Variants in CD101 observed in about 807,000 individuals in gnomAD.
CD101 encodes the protein CD101 molecule, also known as immunoglobulin superfamily member 2.
Under a neutral mutation model 98.2 loss-of-function variants are expected in CD101, and 76 were observed. That is an observed-to-expected ratio of 0.77 (90% confidence interval 0.64 to 0.94). The LOEUF is 0.94. CD101 is among the 40% of genes least tolerant of loss of function. The probability of loss-of-function intolerance (pLI) is 0.00; values close to 1 mark genes in which losing one functional copy is unlikely to be tolerated. For synonymous variants in CD101, 471 were observed against 472.7 expected (o/e 1.00, Z 0.05); for missense variants, 1,145 against 1,218.8 (o/e 0.94, Z 0.90).
At chr1:117,025,150 G>A (rs1009976260) in intron 7 of CD101, among the ~76,000 whole-genome samples, 1 of 152,096 alleles carries the variant, frequency 6.6e-6, no homozygotes, top group Non-Finnish European at 1.5e-5. Flanking sequence ...ATCACTTGAA[G>A]CCAGGAGCTC....
At position 117,033,905 on chromosome 1, in the gene CD101, A is replaced by T. The variant is rs199968696; in HGVS notation, c.2870A>T (p.Tyr957Phe). ...SRICSSAPLLYFLFICPFVLL... is the reference protein window; with the variant it reads ...SRICSSAPLLFFLFICPFVLL... ...ATCTGCTCCTCGGCCCCTTTACTCT[A>T]TTTCCTGTTCATCTGTCCCTTCGTC... Residue 957 changes from tyrosine to phenylalanine, a missense_variant, in exon 9 of 10, where the codon TAT (tyrosine) becomes TTT (phenylalanine). By Grantham distance (22) the Tyr-to-Phe change is conservative. Transcript: ENST00000682167. The surrounding 1 kb of genome is among the most constrained non-coding windows in gnomAD (Gnocchi z 4.8). 2 of 1,613,728 alleles carry T rather than the reference A, an allele frequency of 1.2e-6. No homozygotes were observed. The highest frequency in any genetic ancestry group is 3.3e-5 in the Admixed American group (2 of 59,980).
chr1:117,018,879 G>T lies in CD101; in HGVS notation c.2017+319G>T, dbSNP rs1225519730. 6.6e-6 allele frequency among the ~76,000 whole-genome samples: 1 copy of T among 152,190 alleles called. No individual in the cohort carries two copies. Among genetic ancestry groups the T allele is most frequent in the Non-Finnish European group, 1.5e-5 (1 of 68,038 alleles). On this transcript the variant is annotated intron_variant, in intron 6 of 9. Transcript: ENST00000682167. The surrounding 1 kb of genome is among the most constrained non-coding windows in gnomAD (Gnocchi z 4.3). ...CACAGCAGGGGGCCTCTAGGACCTG[G>T]CTAGAGGGGAGAAGAAATGTTTTGG...
chr1:117,013,837 G>T, intron 4 of CD101, 45 bp downstream of exon 4: 1 of 1,548,564 alleles, frequency 6.5e-7, no homozygotes, highest in South Asian at 1.2e-5. Context: ...GCTTTCAGAT[G>T]CCCCCTTGTC....
chr1:117,008,588 G>A (rs1028524095), intron 1 of CD101, among the ~76,000 whole-genome samples: 8 of 152,188 alleles, frequency 5.3e-5, no homozygotes, highest in African/African-American at 1.7e-4. Flanking sequence ...TGCATCAGGT[G>A]ACCACTTACC....
Position 117,011,965 on chromosome 1 carries a change from A to G in CD101, c.840A>G (p.Ala280=), listed in dbSNP as rs1294872433. ...TDQTTLRIQP[A]VKDFQVNITA... is the part of the protein sequence containing the mutation. ...AAACCACTCTGAGGATCCAGCCAGCAGGTAATTATCTTCCTACGAAATTCA... is the reference window on the plus strand; with the variant it reads ...AAACCACTCTGAGGATCCAGCCAGCGGGTAATTATCTTCCTACGAAATTCA... The change falls in exon 3 of 10, where the codon GCA becomes GCG. Residue 280 remains alanine, a splice_region_variant and synonymous_variant. Coordinates refer to ENST00000682167, the MANE Select transcript of CD101 (RefSeq NM_001256106.3). 2 of 1,608,874 alleles carry G rather than the reference A, an allele frequency of 1.2e-6. No homozygotes were observed. Among genetic ancestry groups the G allele is most frequent in the East Asian group, 4.5e-5 (2 of 44,716 alleles).
rs1653690084 is a variant in CD101, at chr1:117,023,269, T to C, written c.2428+1286T>C. On this transcript the variant is annotated intron_variant, in intron 7 of 9. Coordinates refer to ENST00000682167, the MANE Select transcript of CD101 (RefSeq NM_001256106.3). The surrounding 1 kb of genome is among the most constrained non-coding windows in gnomAD (Gnocchi z 4.4). ...ACTCTTGACCACATGTGCATGGCCG[T>C]CTTCAGGAGGCAGCCACTGCTTAGC... Among the ~76,000 whole-genome samples the C allele has an allele frequency of 6.6e-6, 1 of 152,222 alleles. No homozygotes were observed. Among genetic ancestry groups the C allele is most frequent in the Non-Finnish European group, 1.5e-5 (1 of 68,042 alleles).
chr1:117,029,195 GAAAGAAAGAAAAGAAAGAA>G (rs1654198482), intron 8 of CD101, among the ~76,000 whole-genome samples: 3 of 76,884 alleles, frequency 3.9e-5, no homozygotes, highest in African/African-American at 1.7e-4. Context: ...AAGAAAGAAA[GAAAGAAAGAAAAGAAAGAA>G]AAGAAAGAAA....
At chr1:117,002,845 A>T (rs1388442732) in intron 1 of CD101, among the ~76,000 whole-genome samples, 1 of 152,250 alleles carries the variant, frequency 6.6e-6, no homozygotes, top group Non-Finnish European at 1.5e-5. Flanking sequence ...TGATATGAAG[A>T]TATCTGTGGT....
chr1:117,024,494 AAAATAAAT>A (rs55950136), intron 7 of CD101, among the ~76,000 whole-genome samples: 88 of 150,398 alleles, frequency 5.9e-4, no homozygotes, highest in African/African-American at 1.8e-3. Flanking sequence ...AAATAAAATA[AAAATAAAT>A]AAATAAATAA....
intron 1 of CD101, among the ~76,000 whole-genome samples, chr1:117,008,362 G>A (rs1570712480): frequency 6.6e-6 from 1 of 152,108 alleles, no homozygotes; most frequent in East Asian, 1.9e-4. Context: ...CTACTCAGGA[G>A]GCTGAGGCAA....
In CD101 at chr1:117,007,276, C is replaced by T. The variant is rs551210515; in HGVS notation, c.44-2574C>T. On this transcript the variant is annotated intron_variant, in intron 1 of 9. Transcript: ENST00000682167. ...TCGCCAAGACCCTAGAAGCACCCAC[C>T]CAGCCCGCAGTGTGCCCCATCAGAT... Among the ~76,000 whole-genome samples the T allele has an allele frequency of 2.0e-3, 311 of 152,174 alleles. 1 individual carries two copies. The highest frequency in any genetic ancestry group is 4.8e-3 in the South Asian group (23 of 4,818).
At chr1:117,029,183 GAAAGAAAGAAAGAAAGA>G (rs1654183417) in intron 8 of CD101, among the ~76,000 whole-genome samples, 5 of 96,404 alleles carry the variant, frequency 5.2e-5, no homozygotes, top group Middle Eastern at 4.5e-3. Context: ...AAGAAAGAAA[GAAAGAAAGAAAGAAAGA>G]AAGAAAAGAA....
At position 117,004,970 on chromosome 1, in the gene CD101, C is replaced by T. The variant is rs1488140820; in HGVS notation, c.43+3110C>T. Among the ~76,000 whole-genome samples, 2 of 151,984 alleles carry T rather than the reference C, an allele frequency of 1.3e-5. No individual in the cohort carries two copies. On this transcript the variant is annotated intron_variant, in intron 1 of 9. Coordinates refer to ENST00000682167, the MANE Select transcript of CD101 (RefSeq NM_001256106.3). This position sits in a 1 kb window ranked among gnomAD's most constrained non-coding sequence, Gnocchi z 4.1. The stretch of plus-strand genomic sequence containing the variant: ...AGTTTGGTGTCAGTGAGGGCCTGTT[C>T]CTCATAGCACCTTCTAACTGTGTCC...
Position 117,021,539 on chromosome 1 carries a change from T to G in CD101, c.2018-34T>G. 1 of 1,522,668 alleles carries G rather than the reference T, an allele frequency of 6.6e-7. No homozygotes were observed. The highest frequency in any genetic ancestry group is 8.8e-7 in the Non-Finnish European group (1 of 1,138,056). The allele number at this position is 1,522,668 out of a possible 1,614,324, so 94.3% of individuals were successfully genotyped here. ...TCTACTACCTTAACTTTCTATTTCATAGCAAAGTAACTGTTTCATTTTTTT... is the reference window on the plus strand; with the variant it reads ...TCTACTACCTTAACTTTCTATTTCAGAGCAAAGTAACTGTTTCATTTTTTT... On this transcript the variant is annotated intron_variant, in intron 6 of 9. Transcript: ENST00000682167. This position sits in a 1 kb window ranked among gnomAD's most constrained non-coding sequence, Gnocchi z 4.7.
At position 117,012,015 on chromosome 1, in the gene CD101, G is replaced by T. The variant is rs1422553333; in HGVS notation, c.841+49G>T. Reference sequence around the variant, plus strand: ...ATTAATACACTAGTATTAGGTAGTGGGTATTTATGAGGTATGTTTTAATTT... The same window carrying T: ...ATTAATACACTAGTATTAGGTAGTGTGTATTTATGAGGTATGTTTTAATTT... On this transcript the variant is annotated intron_variant, in intron 3 of 9. Transcript: ENST00000682167. The surrounding 1 kb of genome is among the most constrained non-coding windows in gnomAD (Gnocchi z 4.0). 1 of 1,453,732 alleles carries T rather than the reference G, an allele frequency of 6.9e-7. No homozygotes were observed. Among genetic ancestry groups the T allele is most frequent in the South Asian group, 1.3e-5 (1 of 76,616 alleles). The allele number at this position is 1,453,732 out of a possible 1,614,324, so 90.1% of individuals were successfully genotyped here. A position where few individuals can be genotyped will look rare whatever the true frequency, so the allele number is the denominator to read the frequency against.
rs1366357900 is a variant in CD101 at position 117,012,113 on chromosome 1, A to T, written c.841+147A>T. On this transcript the variant is annotated intron_variant, in intron 3 of 9. Transcript: ENST00000682167. The surrounding 1 kb of genome is among the most constrained non-coding windows in gnomAD (Gnocchi z 4.0). ...TTTAATTTTGTATTTTTGTCATCTG[A>T]GAAGCATAACTAAGAGGGAGCACAT... 3.9e-6 allele frequency: 3 copies of T among 770,214 alleles called. No individual in the cohort carries two copies. Among genetic ancestry groups the T allele is most frequent in the South Asian group, 3.8e-5 (2 of 52,562 alleles). The allele number at this position is 770,214 out of a possible 1,614,324, so 47.7% of individuals were successfully genotyped here.
chr1:117,003,231 T>C (rs1453589394), intron 1 of CD101, among the ~76,000 whole-genome samples: 1 of 152,222 alleles, frequency 6.6e-6, no homozygotes. Context: ...ATTGGGGAAC[T>C]AAACCAAGCT....
At chr1:117,017,611 C>A in intron 5 of CD101, 138 bp downstream of exon 5, 1 of 795,258 alleles carries the variant, frequency 1.3e-6, no homozygotes, top group Non-Finnish European at 2.0e-6. Flanking sequence ...TCTGGCTACC[C>A]TCTCTGTCAA....
intron 4 of CD101, among the ~76,000 whole-genome samples, chr1:117,015,593 A>C (rs1457125987): frequency 1.3e-5 from 2 of 152,226 alleles, no homozygotes; most frequent in Non-Finnish European, 2.9e-5. Flanking sequence ...TCCGCAGGGA[A>C]GAACAATTTG....
Sources: allele counts gnomAD v4.1 joint callset (sites outside exome capture counted in the v4.1 genomes callset), GRCh38; gene constraint gnomAD v4.1.1; non-coding constraint Gnocchi (gnomAD v3.1); transcripts MANE v1.5; gene names NCBI Gene and HGNC (gene_info 2026-07-23, HGNC 2026-07-21).